CLIP4: variants seen among roughly 807,000 people sequenced by gnomAD.
CLIP4 encodes the protein CAP-Gly domain containing linker protein family member 4.
A neutral mutation model predicts 73.1 loss-of-function variants in CLIP4; 47 were observed. That is an observed-to-expected ratio of 0.64 (90% CI 0.51 to 0.82). The LOEUF (loss-of-function observed/expected upper bound fraction) is 0.82, where lower values mean the gene tolerates loss of function less well. Ranked by LOEUF, CLIP4 falls within the 40% of genes least tolerant of loss-of-function variation. CLIP4 has a pLI of 0.00. For synonymous variants in CLIP4, 306 were observed against 295.4 expected (o/e 1.04, Z -0.37); for missense variants, 874 against 852.9 (o/e 1.02, Z -0.31).
chr2:29,182,986 C>A lies in CLIP4; in HGVS notation c.*1093C>A, dbSNP rs1165442507. 2 of 152,422 alleles carry A rather than the reference C, an allele frequency of 1.3e-5. No homozygotes were observed. Among genetic ancestry groups the A allele is most frequent in the African/African-American group, 4.8e-5 (2 of 41,440 alleles). 9.4% of individuals were successfully genotyped at this position (152,422 alleles called of 1,614,324 possible). On this transcript the variant is annotated 3_prime_UTR_variant, in exon 16 of 16. Transcript: ENST00000320081. The stretch of plus-strand genomic sequence containing the variant: ...TTACTCATAGAACTGGTGTTGTTTG[C>A]TGTTTTTATTTCTCTAATTGTTGCA...
At chr2:29,180,394 G>T (rs1668577761) in intron 15 of CLIP4, among the ~76,000 whole-genome samples, 1 of 152,166 alleles carries the variant, frequency 6.6e-6, no homozygotes, top group South Asian at 2.1e-4. Flanking sequence ...CTCATTATCA[G>T]GTTGTGGTGG....
chr2:29,130,688 TCTG>T, intron 2 of CLIP4: 1 of 1,141,076 alleles, frequency 8.8e-7, no homozygotes, highest in African/African-American at 1.7e-5. Flanking sequence ...CTGATTCTCT[TCTG>T]ATGGACTGCT....
chr2:29,160,479 G>A lies in CLIP4; in HGVS notation c.1534+12G>A. ...AAACTTCGCTCCAGGTAACTCATCT[G>A]CATATTTTCTTAACTTGAATTCTTT... On this transcript the variant is annotated intron_variant, in intron 12 of 15. Transcript: ENST00000320081. The A allele has an allele frequency of 6.2e-7, 1 of 1,612,686 alleles. No homozygotes were observed. The highest frequency in any genetic ancestry group is 8.5e-7 in the Non-Finnish European group (1 of 1,179,370).
At position 29,145,294 on chromosome 2, in the gene CLIP4, A is replaced by G; in HGVS notation, c.948A>G (p.Glu316=). ...EFASGQWAGI[E]LDEPEGKNNG... is the part of the protein sequence containing the mutation. ...CAAGTGGGCAGTGGGCTGGCATTGA[A>G]CTGGATGAACCAGAAGGAAAAAATA... is the stretch of plus-strand genomic sequence containing the variant. The change falls in exon 8 of 16, where the codon GAA becomes GAG. Residue 316 remains glutamate (E), a synonymous_variant. Transcript: ENST00000320081. 2 of 1,613,804 alleles carry G rather than the reference A, an allele frequency of 1.2e-6. No homozygotes were observed. The highest frequency in any genetic ancestry group is 1.7e-6 in the Non-Finnish European group (2 of 1,179,760).
intron 8 of CLIP4, among the ~76,000 whole-genome samples, chr2:29,149,727 A>G (rs1002758370): frequency 2.4e-5 from 1 of 41,808 alleles, no homozygotes; most frequent in African/African-American, 5.3e-5. Flanking sequence ...GCTTTGGCTA[A>G]TAAAAAAAAA....
At chr2:29,122,319 C>T (rs980145169) in intron 2 of CLIP4, among the ~76,000 whole-genome samples, 1 of 151,000 alleles carries the variant, frequency 6.6e-6, no homozygotes. Flanking sequence ...AAACCTGTGC[C>T]TTGATCTTGG....
chr2:29,098,738 T>C (rs933657654), intron 1 of CLIP4, among the ~76,000 whole-genome samples: 4 of 152,230 alleles, frequency 2.6e-5, no homozygotes, highest in Non-Finnish European at 5.9e-5. Context: ...AGGAGCATGA[T>C]TGTTAGATCA....
At chr2:29,147,151 C>G (rs1438339281) in intron 8 of CLIP4, among the ~76,000 whole-genome samples, 2 of 152,126 alleles carry the variant, frequency 1.3e-5, no homozygotes, top group South Asian at 4.1e-4. Flanking sequence ...TTTAATTTTT[C>G]CAATTTGACA....
Position 29,181,960 on chromosome 2 carries a change from G to GTT in CLIP4, c.*69_*70dup. 1 of 1,331,134 alleles carries GTT rather than the reference G, an allele frequency of 7.5e-7. No individual in the cohort carries two copies. Among genetic ancestry groups the GTT allele is most frequent in the Non-Finnish European group, 1.0e-6 (1 of 979,120 alleles). 82.5% of individuals were successfully genotyped at this position (1,331,134 alleles called of 1,614,324 possible). On this transcript the variant is annotated 3_prime_UTR_variant, in exon 16 of 16. Transcript: ENST00000320081. ...GTAAATAAAGAGTCCATGGTAAATGGTTTACTTTATTTAGCCATATTAAAA... is the reference window on the plus strand; with the variant it reads ...GTAAATAAAGAGTCCATGGTAAATGGTTTTTACTTTATTTAGCCATATTAAAA...
At chr2:29,180,687 C>G (rs973685572) in intron 15 of CLIP4, among the ~76,000 whole-genome samples, 3 of 151,864 alleles carry the variant, frequency 2.0e-5, no homozygotes, top group African/African-American at 7.3e-5. Context: ...TGTCAAAATA[C>G]TAGATTCTTT....
chr2:29,128,622 A>G (rs1664771170), intron 2 of CLIP4, among the ~76,000 whole-genome samples: 1 of 152,116 alleles, frequency 6.6e-6, no homozygotes, highest in African/African-American at 2.4e-5. Flanking sequence ...ATACTCCAAG[A>G]AAGTTTAGTC....
chr2:29,130,648 C>G, intron 2 of CLIP4: 1 of 1,126,122 alleles, frequency 8.9e-7, no homozygotes, highest in Non-Finnish European at 1.1e-6. Flanking sequence ...TCTAAGCTTA[C>G]GAATGTTATC....
In CLIP4 at chr2:29,181,606, AC is replaced by A. The variant is rs1668648683; in HGVS notation, c.1836del (p.Thr613ProfsTer9). 1 of 1,612,436 alleles carries A rather than the reference AC, an allele frequency of 6.2e-7. No individual in the cohort carries two copies. Among genetic ancestry groups the A allele is most frequent in the Non-Finnish European group, 8.5e-7 (1 of 1,178,776 alleles). ...TGCTTTGCGTCGCAGTTGGAGCAGCACCCCCACCGCAGGTGGCATTGAAGGG... is the reference window on the plus strand; with the variant it reads ...TGCTTTGCGTCGCAGTTGGAGCAGCACCCCACCGCAGGTGGCATTGAAGGG... Reference protein sequence around the residue: ...KAALRRSWSSTPTAGGIEGSV... With the variant: ...KAALRRSWSSXPTAGGIEGSV... On this transcript the variant is annotated frameshift_variant, in exon 16 of 16. Coordinates refer to ENST00000320081, the MANE Select transcript of CLIP4 (RefSeq NM_024692.6). LOFTEE classifies it high-confidence loss of function.
Position 29,145,284 on chromosome 2 carries a change from C to T in CLIP4, c.938C>T (p.Ala313Val). Reference sequence around the variant, plus strand: ...ACTGAATTTGCAAGTGGGCAGTGGGCTGGCATTGAACTGGATGAACCAGAA... The same window carrying T: ...ACTGAATTTGCAAGTGGGCAGTGGGTTGGCATTGAACTGGATGAACCAGAA... The part of the protein sequence containing the change: ...GTTEFASGQW[A>V]GIELDEPEGK... Residue 313 changes from alanine (A) to valine (V), a missense_variant, in exon 8 of 16, where the codon GCT (alanine) becomes GTT (valine). Coordinates refer to ENST00000320081, the MANE Select transcript of CLIP4 (RefSeq NM_024692.6). The T allele has an allele frequency of 6.2e-7, 1 of 1,613,604 alleles. No homozygotes were observed. Among genetic ancestry groups the T allele is most frequent in the Non-Finnish European group, 8.5e-7 (1 of 1,179,720 alleles).
At chr2:29,135,696 T>C (rs1198125784) in intron 6 of CLIP4, 30 bp downstream of exon 6, 7 of 1,431,710 alleles carry the variant, frequency 4.9e-6, no homozygotes, top group Non-Finnish European at 6.8e-6. Flanking sequence ...GTGAAAAATA[T>C]TAAAAGAATT....
rs1664033670 is a variant in CLIP4, at chr2:29,118,579, CG to C, written c.-15-2792del. On this transcript the variant is annotated intron_variant, in intron 1 of 15. Coordinates refer to ENST00000320081, the MANE Select transcript of CLIP4 (RefSeq NM_024692.6). Reference sequence around the variant, plus strand: ...TCTTGCCCAGGCTGGACTGCAGTGGCGGGATCTCGGCTTACCGCAATCTCTG... The same window carrying C: ...TCTTGCCCAGGCTGGACTGCAGTGGCGGATCTCGGCTTACCGCAATCTCTG... 2.0e-5 allele frequency among the ~76,000 whole-genome samples: 3 copies of C among 148,364 alleles called. No individual in the cohort carries two copies. The South Asian group carries it at 6.3e-4, about 31-fold the overall frequency.
chr2:29,139,976 A>G, intron 6 of CLIP4, among the ~76,000 whole-genome samples: 1 of 151,934 alleles, frequency 6.6e-6, no homozygotes, highest in Non-Finnish European at 1.5e-5. Context: ...TCAGTTTCAT[A>G]TAGTTGTACT....
intron 2 of CLIP4, among the ~76,000 whole-genome samples, chr2:29,129,092 C>G (rs1423842931): frequency 6.6e-6 from 1 of 152,136 alleles, no homozygotes; most frequent in Non-Finnish European, 1.5e-5. Flanking sequence ...TTTCATGAGA[C>G]ATTAAATAGC....
chr2:29,133,910 C>A, intron 5 of CLIP4, 94 bp downstream of exon 5: 1 of 1,149,016 alleles, frequency 8.7e-7, no homozygotes, highest in Non-Finnish European at 1.2e-6. Flanking sequence ...TCCTTCTAAT[C>A]CATCTTGTTT....
Sources: gnomAD v4.1 joint callset for allele counts (sites outside exome capture counted in the v4.1 genomes callset) on GRCh38, gnomAD v4.1.1 for gene constraint, MANE v1.5 for transcripts, NCBI Gene and HGNC (gene_info 2026-07-23, HGNC 2026-07-21) for gene names.